The following SLC17A4 variants were observed in gnomAD, a reference collection of about 807,000 sequenced individuals.
SLC17A4 encodes probable small intestine urate exporter.
SLC17A4 carries 33 observed loss-of-function variants against 52.5 expected under a neutral mutation model. That is an observed-to-expected ratio of 0.63 (90% CI 0.48 to 0.84). The LOEUF (loss-of-function observed/expected upper bound fraction) is 0.84, where lower values mean the gene tolerates loss of function less well. SLC17A4 is among the 40% of genes least tolerant of loss of function. The pLI is 0.00. For missense variants in SLC17A4, 585 were observed against 597.1 expected, an observed-to-expected ratio of 0.98 and a Z score of 0.21; for synonymous variants, 225 against 216.2, an observed-to-expected ratio of 1.04 and a Z score of -0.36.
intron 11 of SLC17A4, among the ~76,000 whole-genome samples, chr6:25,778,463 G>T (rs955094809): frequency 3.3e-5 from 5 of 152,090 alleles, no homozygotes; most frequent in African/African-American, 1.2e-4. Context: ...ATACTGTCAG[G>T]AAATGGTTGT....
intron 2 of SLC17A4, among the ~76,000 whole-genome samples, chr6:25,766,109 T>A (rs1372446373): frequency 6.6e-6 from 1 of 150,646 alleles, no homozygotes; most frequent in Admixed American, 6.6e-5. Context: ...AATTAACTTA[T>A]TAAAATTTAA....
At chr6:25,759,804 G>A (rs190859163) in intron 1 of SLC17A4, among the ~76,000 whole-genome samples, 1 of 152,130 alleles carries the variant, frequency 6.6e-6, no homozygotes, top group Non-Finnish European at 1.5e-5. Context: ...ATAGATACTT[G>A]GTTGTTTACC....
intron 8 of SLC17A4, among the ~76,000 whole-genome samples, chr6:25,775,830 C>G (rs1488561273): frequency 6.6e-6 from 1 of 152,138 alleles, no homozygotes; most frequent in Non-Finnish European, 1.5e-5. Flanking sequence ...AAACAGTATA[C>G]TTAGTAATAT....
chr6:25,756,639 A>G (rs897122260), intron 1 of SLC17A4, among the ~76,000 whole-genome samples: 13 of 152,050 alleles, frequency 8.5e-5, no homozygotes, highest in African/African-American at 3.1e-4. Flanking sequence ...CGCCAGCAAA[A>G]CCATTATCGC....
chr6:25,775,455 A>G (rs961014200), intron 8 of SLC17A4, among the ~76,000 whole-genome samples: 1 of 151,666 alleles, frequency 6.6e-6, no homozygotes, highest in Non-Finnish European at 1.5e-5. Flanking sequence ...CTTTCTTTTG[A>G]GACAACGTCT....
In SLC17A4 at chr6:25,770,372, T is replaced by C. The variant is rs376970703; in HGVS notation, c.532-12T>C. ...GACCTCAGATCTCCAAGAATGGAAT[T>C]TTTCCCCCCAGGTTATGGTATTAAC... On this transcript the variant is annotated splice_polypyrimidine_tract_variant and intron_variant, in intron 4 of 11. Coordinates refer to ENST00000377905, the MANE Select transcript of SLC17A4 (RefSeq NM_005495.3). 1 of 1,614,028 alleles carries C rather than the reference T, an allele frequency of 6.2e-7. No individual in the cohort carries two copies. Among genetic ancestry groups the C allele is most frequent in the Middle Eastern group, 1.7e-4 (1 of 6,058 alleles).
At chr6:25,766,689 C>T (rs1443913445) in intron 2 of SLC17A4, among the ~76,000 whole-genome samples, 1 of 152,148 alleles carries the variant, frequency 6.6e-6, no homozygotes, top group African/African-American at 2.4e-5. Context: ...CACATAATCC[C>T]AGTCTAATCA....
intron 2 of SLC17A4, among the ~76,000 whole-genome samples, chr6:25,768,719 C>A (rs1762227638): frequency 6.6e-6 from 1 of 152,172 alleles, no homozygotes; most frequent in Non-Finnish European, 1.5e-5. Context: ...CTTCTCATCC[C>A]AGAGCCCTGC....
rs112872432 is a variant in SLC17A4, at chr6:25,776,647, T to G, written c.1040T>G (p.Leu347Arg). Residue 347 changes from leucine (L) to arginine (R), a missense_variant, in exon 9 of 12, where the codon CTT (leucine) becomes CGT (arginine). Transcript: ENST00000377905. ...GTTGTTGGATGTATCTGCATTATCC[T>G]TGGAGGTCTACTGGCAGACTTTCTT... ...PFVVGCICII[L>R]GGLLADFLLS... 1,085 of 1,613,856 alleles carry G rather than the reference T, an allele frequency of 6.7e-4. 4 individuals are homozygous for G. The African/African-American group carries it at 0.012, about 18-fold the overall frequency.
rs1490520947 is a variant in SLC17A4, at chr6:25,780,447, T to C, written c.*1259T>C. 3 of 152,288 alleles carry C rather than the reference T, an allele frequency of 2.0e-5. No individual in the cohort carries two copies. Among genetic ancestry groups the C allele is most frequent in the African/African-American group, 2.4e-5 (1 of 41,552 alleles). 9.4% of individuals were successfully genotyped at this position (152,288 alleles called of 1,614,324 possible). On this transcript the variant is annotated 3_prime_UTR_variant, in exon 12 of 12. Transcript: ENST00000377905. ...AGCTGAGCTGGGATCTGAAGGATAATAGTTAACTGTTGTGGGAGACTGAGA... is the reference window on the plus strand; with the variant it reads ...AGCTGAGCTGGGATCTGAAGGATAACAGTTAACTGTTGTGGGAGACTGAGA...
In SLC17A4 at chr6:25,771,526, A is replaced by C. The variant is rs370970168; in HGVS notation, c.706+514A>C. On this transcript the variant is annotated intron_variant, in intron 6 of 11. Coordinates refer to ENST00000377905, the MANE Select transcript of SLC17A4 (RefSeq NM_005495.3). ...GAGGTGGAGGGTGCAGTGAGCCAAG[A>C]TCACACTACTGCACTCCAGCCTGTG... Among the ~76,000 whole-genome samples, 5 of 152,218 alleles carry C rather than the reference A, an allele frequency of 3.3e-5. 1 individual carries two copies. In the East Asian group the frequency reaches 7.7e-4, roughly 23 times the overall value.
At chr6:25,758,245 G>A (rs1000748670) in intron 1 of SLC17A4, among the ~76,000 whole-genome samples, 1 of 152,206 alleles carries the variant, frequency 6.6e-6, no homozygotes, top group Non-Finnish European at 1.5e-5. Flanking sequence ...TTGACTTGAA[G>A]TGACGGGGCA....
In SLC17A4 at chr6:25,768,971, C is replaced by A; in HGVS notation, c.92-14C>A. On this transcript the variant is annotated splice_polypyrimidine_tract_variant and intron_variant, in intron 2 of 11. Transcript: ENST00000377905. ...GCATTCTGATTGTGATTTTTCATGCCCTTTTCCTCTCAGGTTTTTGTTCAG... is the reference window on the plus strand; with the variant it reads ...GCATTCTGATTGTGATTTTTCATGCACTTTTCCTCTCAGGTTTTTGTTCAG... The A allele has an allele frequency of 6.2e-7, 1 of 1,613,002 alleles. No homozygotes were observed. Among genetic ancestry groups the A allele is most frequent in the South Asian group, 1.1e-5 (1 of 91,032 alleles).
intron 7 of SLC17A4, 34 bp downstream of exon 7, chr6:25,773,427 G>T: frequency 6.2e-7 from 1 of 1,612,436 alleles, no homozygotes; most frequent in Non-Finnish European, 8.5e-7. Context: ...ATTTCTCTAT[G>T]TCCCTCTAGA....
Position 25,776,835 on chromosome 6 carries a change from C to T in SLC17A4, c.1144C>T (p.Leu382Phe), listed in dbSNP as rs576835627. 9 of 1,613,974 alleles carry T rather than the reference C, an allele frequency of 5.6e-6. No homozygotes were observed. In the South Asian group the frequency reaches 7.7e-5, roughly 14 times the overall value. ...AIGVLFPSVI[L>F]VSLPWVRSSH... ...AGGGGTTCTCTTCCCATCCGTGATCCTCGTGTCCCTGCCCTGGGTCAGATC... is the reference window on the plus strand; with the variant it reads ...AGGGGTTCTCTTCCCATCCGTGATCTTCGTGTCCCTGCCCTGGGTCAGATC... Residue 382 changes from leucine to phenylalanine, a missense_variant, in exon 10 of 12, where the codon CTC becomes TTC. Transcript: ENST00000377905.
intron 10 of SLC17A4, 31 bp from the exon 11 acceptor site, chr6:25,777,895 G>A (rs1763067269): frequency 1.9e-6 from 3 of 1,573,784 alleles, no homozygotes; most frequent in Non-Finnish European, 2.6e-6. Flanking sequence ...GGTATACTTG[G>A]TTATAATAGA....
intron 1 of SLC17A4, among the ~76,000 whole-genome samples, chr6:25,761,635 C>T (rs1761540582): frequency 6.6e-6 from 1 of 152,058 alleles, no homozygotes; most frequent in African/African-American, 2.4e-5. Flanking sequence ...ATACTAGTAT[C>T]AATTTAGAGA....
chr6:25,761,275 A>C (rs2151421807), intron 1 of SLC17A4, among the ~76,000 whole-genome samples: 1 of 152,316 alleles, frequency 6.6e-6, no homozygotes, highest in Admixed American at 6.5e-5. Flanking sequence ...TCTGTAACCA[A>C]GTTTTGAACC....
At chr6:25,767,222 T>C (rs1762096326) in intron 2 of SLC17A4, among the ~76,000 whole-genome samples, 1 of 152,128 alleles carries the variant, frequency 6.6e-6, no homozygotes, top group African/African-American at 2.4e-5. Context: ...CATACATATG[T>C]ACATAAACAA....
Sources: gnomAD v4.1 joint callset for allele counts (sites outside exome capture counted in the v4.1 genomes callset) on GRCh38, gnomAD v4.1.1 for gene constraint, MANE v1.5 for transcripts, NCBI Gene and HGNC (gene_info 2026-07-23, HGNC 2026-07-21) for gene names.